Variants in PIK3R3 observed in about 807,000 individuals in gnomAD.
The protein encoded by PIK3R3 is phosphatidylinositol 3-kinase regulatory subunit gamma.
PIK3R3 carries 64 observed loss-of-function variants against 62.9 expected under a neutral mutation model. The observed-to-expected ratio is 1.02, with a 90% CI of 0.83 to 1.25. The LOEUF (loss-of-function observed/expected upper bound fraction) is 1.25. Ranked by LOEUF, PIK3R3 falls within the 50% of genes most tolerant of loss-of-function variation. The pLI, the probability that PIK3R3 is intolerant of heterozygous loss-of-function variation, is 0.00. For synonymous variants in PIK3R3, 165 were observed against 189.0 expected (o/e 0.87, Z 1.04); for missense variants, 614 against 561.6 (o/e 1.09, Z -0.94).
intron 3 of PIK3R3, among the ~76,000 whole-genome samples, chr1:46,073,581 T>A (rs1649742524): frequency 6.6e-6 from 1 of 152,116 alleles, no homozygotes; most frequent in African/African-American, 2.4e-5. Context: ...GTAGGCCATC[T>A]TTTCATCCAT....
chr1:46,091,181 C>T (rs1308440148), intron 1 of PIK3R3, among the ~76,000 whole-genome samples: 1 of 148,924 alleles, frequency 6.7e-6, no homozygotes, highest in Non-Finnish European at 1.5e-5. Context: ...CACTCTGTTA[C>T]CCAGACTGGA....
Position 46,044,305 on chromosome 1 carries a change from C to T in PIK3R3, c.1188-434G>A, listed in dbSNP as rs1180123668. 6.6e-6 allele frequency among the ~76,000 whole-genome samples: 1 copy of T among 152,090 alleles called. No homozygotes were observed. The highest frequency in any genetic ancestry group is 1.9e-4 in the East Asian group (1 of 5,196). ...CCCAGGCTGGTCGTGAACTCCTGGG[C>T]TCAAGGAATCCTCCTGCCTTAGCCT... On this transcript the variant is annotated intron_variant, in intron 9 of 9. Transcript: ENST00000262741. The surrounding 1 kb of genome is among the most constrained non-coding windows in gnomAD (Gnocchi z 4.2).
chr1:46,076,783 G>A (rs1557585322), intron 3 of PIK3R3, among the ~76,000 whole-genome samples: 2 of 151,970 alleles, frequency 1.3e-5, no homozygotes, highest in African/African-American at 2.4e-5. Context: ...CTATAAAATG[G>A]GAATAGTAAT....
the PIK3R3 span, among the ~76,000 whole-genome samples, chr1:46,155,245 C>G: frequency 6.6e-6 from 1 of 151,744 alleles, no homozygotes; most frequent in African/African-American, 2.4e-5. Context: ...CACTTGAGCC[C>G]AGGCATTCAA....
the PIK3R3 span, among the ~76,000 whole-genome samples, chr1:46,171,514 TG>T: frequency 1.3e-5 from 2 of 151,856 alleles, no homozygotes; most frequent in African/African-American, 4.8e-5. Flanking sequence ...AGGCCGGAAG[TG>T]GGGGTGTGGG....
chr1:46,075,621 TAA>T (rs35844006), intron 3 of PIK3R3, among the ~76,000 whole-genome samples: 1 of 146,174 alleles, frequency 6.8e-6, no homozygotes, highest in African/African-American at 2.5e-5. Context: ...TAACCTGTGT[TAA>T]AAAAAAAAAA....
chr1:46,049,722 T>C (rs910561350), intron 7 of PIK3R3, among the ~76,000 whole-genome samples: 1 of 152,112 alleles, frequency 6.6e-6, no homozygotes, highest in Non-Finnish European at 1.5e-5. Context: ...TCTTACATGA[T>C]CCAAGTGTCA....
chr1:46,060,229 T>A (rs1030263758), intron 6 of PIK3R3, among the ~76,000 whole-genome samples: 2 of 152,226 alleles, frequency 1.3e-5, no homozygotes, highest in Non-Finnish European at 2.9e-5. Context: ...AGCTCAAGCC[T>A]GTAATCCCAG....
At chr1:46,076,352 C>T (rs1038768126) in intron 3 of PIK3R3, among the ~76,000 whole-genome samples, 2 of 152,104 alleles carry the variant, frequency 1.3e-5, no homozygotes, top group African/African-American at 2.4e-5. Context: ...GAAAGTGTGA[C>T]GTCTTAACAG....
Position 46,041,431 on chromosome 1 carries a change from A to G in PIK3R3, c.*2242T>C, listed in dbSNP as rs1646994534. 5.7e-6 allele frequency: 1 copy of G among 174,318 alleles called. No homozygotes were observed. The highest frequency in any genetic ancestry group is 2.4e-5 in the African/African-American group (1 of 42,100). The allele number at this position is 174,318 out of a possible 1,614,324, so 10.8% of individuals were successfully genotyped here. On this transcript the variant is annotated 3_prime_UTR_variant, in exon 10 of 10. Coordinates refer to ENST00000262741, the MANE Select transcript of PIK3R3 (RefSeq NM_003629.4). Reference sequence around the variant, plus strand: ...GCAGCCCTTCTCCACAAGCCAGCCCAAGTGTAGATAAAGATGGTACTTGGT... The same window carrying G: ...GCAGCCCTTCTCCACAAGCCAGCCCGAGTGTAGATAAAGATGGTACTTGGT...
At chr1:46,169,052 C>T in the PIK3R3 span, among the ~76,000 whole-genome samples, 4 of 152,192 alleles carry the variant, frequency 2.6e-5, no homozygotes, top group Non-Finnish European at 5.9e-5. Context: ...AAGCTGTCAG[C>T]CCCTATTGCA....
At chr1:46,065,245 AC>A (rs1648880648) in intron 5 of PIK3R3, among the ~76,000 whole-genome samples, 2 of 152,214 alleles carry the variant, frequency 1.3e-5, no homozygotes, top group Admixed American at 1.3e-4. Context: ...GGCAAATTAA[AC>A]CAATCCAAGT....
chr1:46,091,138 C>CTTT (rs148774563), intron 1 of PIK3R3, among the ~76,000 whole-genome samples: 2 of 127,650 alleles, frequency 1.6e-5, no homozygotes, highest in African/African-American at 2.9e-5. Flanking sequence ...AGCATTTTAA[C>CTTT]TTTTTTTTTT....
chr1:46,169,482 T>C, the PIK3R3 span, among the ~76,000 whole-genome samples: 1 of 152,134 alleles, frequency 6.6e-6, no homozygotes, highest in Non-Finnish European at 1.5e-5. Flanking sequence ...TACCTGAAGC[T>C]AAAACTTCTC....
the PIK3R3 span, among the ~76,000 whole-genome samples, chr1:46,162,661 G>A: frequency 4.6e-5 from 7 of 151,842 alleles, no homozygotes; most frequent in South Asian, 4.2e-4. Flanking sequence ...TTGCTCTGTC[G>A]CCCAGGCTGG....
chr1:46,109,105 G>A (rs1265801184), intron 1 of PIK3R3, among the ~76,000 whole-genome samples: 3 of 148,846 alleles, frequency 2.0e-5, no homozygotes, highest in Admixed American at 6.8e-5. Context: ...CTTGCAGTAA[G>A]CCAAGATCAC....
At chr1:46,065,098 C>A (rs905570518) in intron 5 of PIK3R3, among the ~76,000 whole-genome samples, 2 of 152,126 alleles carry the variant, frequency 1.3e-5, no homozygotes, top group African/African-American at 4.8e-5. Flanking sequence ...TGTTCCAAGA[C>A]AATGTACATG....
intron 7 of PIK3R3, among the ~76,000 whole-genome samples, chr1:46,055,287 T>C (rs1172675953): frequency 2.0e-5 from 3 of 152,166 alleles, no homozygotes; most frequent in Non-Finnish European, 4.4e-5. Flanking sequence ...TTTGTATTTT[T>C]AGTAGAAACG....
At chr1:46,045,436 G>A (rs749545891) in intron 9 of PIK3R3, among the ~76,000 whole-genome samples, 2 of 152,012 alleles carry the variant, frequency 1.3e-5, no homozygotes, top group Non-Finnish European at 2.9e-5. Context: ...AAAAAGTCAC[G>A]ATTATCTTAT....
Sources: gnomAD v4.1 joint callset for allele counts (sites outside exome capture counted in the v4.1 genomes callset) on GRCh38, gnomAD v4.1.1 for gene constraint, Gnocchi (gnomAD v3.1) non-coding constraint, MANE v1.5 for transcripts, NCBI Gene and HGNC (gene_info 2026-07-23, HGNC 2026-07-21) for gene names.